Variants in CCDC92B observed in about 807,000 individuals in gnomAD.
The protein encoded by CCDC92B is coiled-coil domain containing 92B.
CCDC92B carries 2 observed loss-of-function variants against 5.6 expected under a neutral mutation model. The observed-to-expected ratio is 0.36, with a 90% CI of 0.15 to 1.12. The LOEUF is 1.12. Ranked by LOEUF, CCDC92B falls within the 50% of genes most tolerant of loss-of-function variation. The pLI is 0.40. For synonymous variants in CCDC92B, 115 were observed against 122.3 expected, an observed-to-expected ratio of 0.94 and a Z score of 0.39; for missense variants, 271 against 262.2, an observed-to-expected ratio of 1.03 and a Z score of -0.23.
rs566309497 is a variant in CCDC92B, at chr17:2,728,514, A to G, written c.178+1932T>C. The stretch of plus-strand genomic sequence containing the variant: ...CCAGCTACACGGGAGACTGAGGCAG[A>G]ATGGCGTGAACCCGGGAGGCAGAGC... On this transcript the variant is annotated intron_variant, in intron 3 of 3. Coordinates refer to ENST00000614400, the MANE Select transcript of CCDC92B (RefSeq NM_001355573.2). 8.5e-5 allele frequency among the ~76,000 whole-genome samples: 13 copies of G among 152,120 alleles called. No homozygotes were observed. The South Asian group carries it at 1.2e-3, about 15-fold the overall frequency.
chr17:2,737,256 G>A (rs929792787), intron 1 of CCDC92B, among the ~76,000 whole-genome samples: 4 of 152,112 alleles, frequency 2.6e-5, no homozygotes, highest in Non-Finnish European at 5.9e-5. Flanking sequence ...GGCAGTGGGA[G>A]AGACAGGCCA....
chr17:2,739,122 C>T (rs7211512), intron 1 of CCDC92B, among the ~76,000 whole-genome samples: 27,936 of 151,364 alleles, frequency 0.18, 3,820 homozygotes, highest in African/African-American at 0.37. Context: ...AATCCCAGCA[C>T]TTTGGGAGGC....
Position 2,724,565 on chromosome 17 carries a change from T to C in CCDC92B, c.614A>G (p.Asp205Gly). The C allele has an allele frequency of 1.1e-5, 11 of 980,850 alleles. No homozygotes were observed. The highest frequency in any genetic ancestry group is 4.6e-5 in the South Asian group (1 of 21,540). 60.8% of individuals were successfully genotyped at this position (980,850 alleles called of 1,614,324 possible). A position where few individuals can be genotyped will look rare whatever the true frequency, so the allele number is the denominator to read the frequency against. The change falls in exon 4 of 4, where the codon GAC (aspartate) becomes GGC (glycine). Residue 205 changes from aspartate (D) to glycine (G), a missense_variant. By Grantham distance (94) the Asp-to-Gly change is moderately conservative. Coordinates refer to ENST00000614400, the MANE Select transcript of CCDC92B (RefSeq NM_001355573.2). This position sits in a 1 kb window ranked among gnomAD's most constrained non-coding sequence, Gnocchi z 5.0. ...DRGAGALDDA[D>G]PMPDPALFLY... ...GAAGAGCGCGGGGTCGGGCATGGGG[T>C]CGGCGTCGTCGAGGGCGCCGGCCCC...
chr17:2,739,170 A>T (rs573261994), intron 1 of CCDC92B, among the ~76,000 whole-genome samples: 1 of 151,252 alleles, frequency 6.6e-6, no homozygotes, highest in East Asian at 1.9e-4. Flanking sequence ...GATCGAGACC[A>T]TCCTGGCTAA....
intron 1 of CCDC92B, among the ~76,000 whole-genome samples, chr17:2,743,821 AT>A (rs898529118): frequency 4.6e-5 from 7 of 152,052 alleles, no homozygotes; most frequent in African/African-American, 1.7e-4. Context: ...AATCTGCATT[AT>A]TTTTTCTTCC....
chr17:2,748,833 C>A (rs546541452), intron 1 of CCDC92B, among the ~76,000 whole-genome samples: 1 of 152,338 alleles, frequency 6.6e-6, no homozygotes, highest in East Asian at 1.9e-4. Flanking sequence ...GGCCGCTTGG[C>A]CAGTGGTGGA....
chr17:2,733,494 G>T (rs1354978860), intron 2 of CCDC92B, among the ~76,000 whole-genome samples: 3 of 151,972 alleles, frequency 2.0e-5, no homozygotes, highest in Non-Finnish European at 4.4e-5. Context: ...CCCGACCTCA[G>T]GTGATCCGCC....
At chr17:2,748,945 TCCA>T (rs1161105062) in intron 1 of CCDC92B, among the ~76,000 whole-genome samples, 1 of 151,962 alleles carries the variant, frequency 6.6e-6, no homozygotes, top group African/African-American at 2.4e-5. Flanking sequence ...CTCAGGACCC[TCCA>T]CCTCAGCAAA....
At chr17:2,739,270 G>A (rs1236308354) in intron 1 of CCDC92B, among the ~76,000 whole-genome samples, 2 of 150,832 alleles carry the variant, frequency 1.3e-5, no homozygotes, top group African/African-American at 4.9e-5. Flanking sequence ...GGGAGGCTGA[G>A]GCAGGAGAAT....
At position 2,745,066 on chromosome 17, in the gene CCDC92B, CAAAAA is replaced by C. The variant is rs60179555; in HGVS notation, c.-24+4340_-24+4344del. Among the ~76,000 whole-genome samples, 401 of 79,342 alleles carry C rather than the reference CAAAAA, an allele frequency of 5.1e-3. 4 individuals are homozygous for C. The highest frequency in any genetic ancestry group is 0.017 in the African/African-American group (377 of 21,800). The allele number at this position is 79,342 out of a possible 152,430, so 52.1% of individuals were successfully genotyped here. ...GGTGACAGACAGTGAGACCCTGTCT[CAAAAA>C]AAAAAAAAAAAAAAAAAAAGATAAA... On this transcript the variant is annotated intron_variant, in intron 1 of 3. Transcript: ENST00000614400.
intron 1 of CCDC92B, among the ~76,000 whole-genome samples, chr17:2,745,691 C>T (rs1312597263): frequency 6.6e-6 from 1 of 152,148 alleles, no homozygotes; most frequent in East Asian, 1.9e-4. Flanking sequence ...CCGATTTTCC[C>T]ATCAGAAATG....
rs386385447 is a variant in CCDC92B at position 2,733,744 on chromosome 17, C to CTTTTTTTTTTT, written c.130+1261_130+1271dup. On this transcript the variant is annotated intron_variant, in intron 2 of 3. Transcript: ENST00000614400. ...GTGATGGCTGAATCAGGACCACTGGCTTTTTTTTTTTTTTTTTTTTTTTTT... is the reference window on the plus strand; with the variant it reads ...GTGATGGCTGAATCAGGACCACTGGCTTTTTTTTTTTTTTTTTTTTTTTTTTTTTTTTTTTT... 1.6e-4 allele frequency among the ~76,000 whole-genome samples: 8 copies of CTTTTTTTTTTT among 49,306 alleles called. 1 individual carries two copies. Among genetic ancestry groups the CTTTTTTTTTTT allele is most frequent in the East Asian group, 1.8e-3 (2 of 1,102 alleles). 32.3% of individuals were successfully genotyped at this position (49,306 alleles called of 152,430 possible).
At chr17:2,733,746 T>G (rs965445766) in intron 2 of CCDC92B, among the ~76,000 whole-genome samples, 36 of 30,110 alleles carry the variant, frequency 1.2e-3, no homozygotes, top group African/African-American at 3.0e-3. Flanking sequence ...ACCACTGGCT[T>G]TTTTTTTTTT....
Position 2,720,928 on chromosome 17 carries a change from T to C in CCDC92B, c.*3483A>G, listed in dbSNP as rs532132983. 1.6e-4 allele frequency: 25 copies of C among 152,272 alleles called. No homozygotes were observed. The highest frequency in any genetic ancestry group is 5.5e-4 in the African/African-American group (23 of 41,552). 9.4% of individuals were successfully genotyped at this position (152,272 alleles called of 1,614,324 possible). ...ATACAAAAGCGCAGCCAACAGAGAA[T>C]TTGGAGCAGGGTCCCTCTGCCCTGC... On this transcript the variant is annotated 3_prime_UTR_variant, in exon 4 of 4. Coordinates refer to ENST00000614400, the MANE Select transcript of CCDC92B (RefSeq NM_001355573.2).
At chr17:2,734,442 A>ATT (rs2070835090) in intron 2 of CCDC92B, among the ~76,000 whole-genome samples, 1 of 150,968 alleles carries the variant, frequency 6.6e-6, no homozygotes, top group Non-Finnish European at 1.5e-5. Context: ...CTCGGAAAGG[A>ATT]TGGGAACCTC....
intron 2 of CCDC92B, among the ~76,000 whole-genome samples, chr17:2,731,337 A>C (rs2070793175): frequency 1.4e-5 from 2 of 147,774 alleles, no homozygotes; most frequent in African/African-American, 5.0e-5. Flanking sequence ...TTCCAGCCCC[A>C]CCCCCACTCC....
intron 2 of CCDC92B, 109 bp downstream of exon 2, chr17:2,734,907 G>C (rs1567614885): frequency 1.6e-5 from 13 of 803,902 alleles, no homozygotes; most frequent in Non-Finnish European, 1.8e-5. Context: ...AGCAGAATCG[G>C]TGCAGTGTGA....
At position 2,724,885 on chromosome 17, in the gene CCDC92B, C is replaced by G. The variant is rs2070707655; in HGVS notation, c.294G>C (p.Val98=). Residue 98 remains valine (V), a synonymous_variant, in exon 4 of 4, where the codon GTG becomes GTC. Coordinates refer to ENST00000614400, the MANE Select transcript of CCDC92B (RefSeq NM_001355573.2). This position sits in a 1 kb window ranked among gnomAD's most constrained non-coding sequence, Gnocchi z 5.0. ...RREVAQREAL[V]SALRCSLRTE... ...TGCGCAGGCTGCAGCGCAGCGCGGA[C>G]ACCAGCGCCTCGCGCTGCGCCACCT... 1.0e-6 allele frequency: 1 copy of G among 985,062 alleles called. No homozygotes were observed. The highest frequency in any genetic ancestry group is 1.2e-6 in the Non-Finnish European group (1 of 829,806). The allele number at this position is 985,062 out of a possible 1,614,324, so 61.0% of individuals were successfully genotyped here.
intron 1 of CCDC92B, chr17:2,748,602 G>C: frequency 1.0e-6 from 1 of 985,108 alleles, no homozygotes. Flanking sequence ...GCAAGGCTTT[G>C]TCTCTGGGAA....
Sources: gnomAD v4.1 joint callset for allele counts (sites outside exome capture counted in the v4.1 genomes callset) on GRCh38, gnomAD v4.1.1 for gene constraint, Gnocchi (gnomAD v3.1) non-coding constraint, MANE v1.5 for transcripts, NCBI Gene and HGNC (gene_info 2026-07-23, HGNC 2026-07-21) for gene names.